Variants in LRP1B observed in about 807,000 individuals in gnomAD.
The protein encoded by LRP1B is low-density lipoprotein receptor-related protein 1B.
In LRP1B, 217 loss-of-function variants were observed where a neutral mutation model predicts 556.6. The observed-to-expected ratio is 0.39, with a 90% CI of 0.35 to 0.44. The LOEUF is 0.44. LRP1B is among the 20% of genes least tolerant of loss of function. The pLI is 1.00. For synonymous variants in LRP1B, 2,047 were observed against 1,865.8 expected, an observed-to-expected ratio of 1.10 and a Z score of -2.50; for missense variants, 5,053 against 5,620.8, an observed-to-expected ratio of 0.90 and a Z score of 3.23.
intron 83 of LRP1B, among the ~76,000 whole-genome samples, chr2:140,299,936 ATG>A (rs1683750041): frequency 6.6e-6 from 1 of 152,130 alleles, no homozygotes; most frequent in African/African-American, 2.4e-5. Flanking sequence ...TGTTTCCTAT[ATG>A]TGTTTTTCTT....
intron 1 of LRP1B, among the ~76,000 whole-genome samples, chr2:141,825,681 A>T (rs1475676868): frequency 6.6e-6 from 1 of 152,218 alleles, no homozygotes; most frequent in Non-Finnish European, 1.5e-5. Context: ...CCCAAACATA[A>T]CCATAAGAAA....
At chr2:140,503,190 A>T in intron 53 of LRP1B, 87 bp from the exon 54 acceptor site, 2 of 1,126,258 alleles carry the variant, frequency 1.8e-6, no homozygotes, top group Non-Finnish European at 2.6e-6. Flanking sequence ...ACACCGGATT[A>T]ATGTGGATTA....
At chr2:140,927,325 C>T (rs918339671) in intron 20 of LRP1B, among the ~76,000 whole-genome samples, 1 of 151,950 alleles carries the variant, frequency 6.6e-6, no homozygotes, top group South Asian at 2.1e-4. Context: ...ATGGAATTTG[C>T]CTATTGAAAG....
At chr2:141,662,723 T>C (rs1690268149) in intron 2 of LRP1B, among the ~76,000 whole-genome samples, 1 of 151,664 alleles carries the variant, frequency 6.6e-6, no homozygotes, top group African/African-American at 2.4e-5. Context: ...TCCCACACAA[T>C]AATAGTGAGA....
At chr2:140,539,304 T>C (rs959050415) in intron 45 of LRP1B, among the ~76,000 whole-genome samples, 6 of 152,112 alleles carry the variant, frequency 3.9e-5, no homozygotes, top group Non-Finnish European at 5.9e-5. Context: ...AACATTCTCA[T>C]GTTCCTAAAG....
chr2:141,947,435 C>CA (rs1227346679), intron 1 of LRP1B, among the ~76,000 whole-genome samples: 7 of 150,792 alleles, frequency 4.6e-5, no homozygotes, highest in East Asian at 3.9e-4. Context: ...GAGTCCATCT[C>CA]AAAAAAAATA....
chr2:140,421,186 C>CA lies in LRP1B; in HGVS notation c.10414+21317dup, dbSNP rs534611925. 2.8e-4 allele frequency among the ~76,000 whole-genome samples: 43 copies of CA among 152,194 alleles called. No individual in the cohort carries two copies. In the East Asian group the frequency reaches 8.1e-3, roughly 29 times the overall value. ...AGGAGAGTCGCTTGAACCCTGGAGA[C>CA]AGAGACTGCAGTGAGCCAAGATTGC... On this transcript the variant is annotated intron_variant, in intron 66 of 90. Transcript: ENST00000389484.
At chr2:141,184,657 C>G (rs1681161345) in intron 7 of LRP1B, among the ~76,000 whole-genome samples, 1 of 150,310 alleles carries the variant, frequency 6.7e-6, no homozygotes, top group Admixed American at 6.7e-5. Context: ...TCTAATAGCT[C>G]CTATGTCACG....
chr2:141,665,684 G>C (rs114659761), intron 2 of LRP1B, among the ~76,000 whole-genome samples: 1,552 of 152,170 alleles, frequency 0.01, 8 homozygotes, highest in Middle Eastern at 0.017. Context: ...ACGCAAATGC[G>C]CATCAATGAT....
intron 1 of LRP1B, among the ~76,000 whole-genome samples, chr2:142,067,804 T>C (rs926918284): frequency 2.0e-5 from 3 of 151,620 alleles, no homozygotes; most frequent in East Asian, 1.9e-4. Flanking sequence ...TATGAGCATA[T>C]AGAGCAAAAA....
intron 2 of LRP1B, among the ~76,000 whole-genome samples, chr2:141,682,041 G>A (rs563024105): frequency 6.6e-6 from 1 of 152,138 alleles, no homozygotes; most frequent in East Asian, 1.9e-4. Flanking sequence ...GAGACAGAAA[G>A]AATTTCGAAG....
intron 2 of LRP1B, among the ~76,000 whole-genome samples, chr2:141,807,219 C>T (rs1696193327): frequency 1.3e-5 from 2 of 152,004 alleles, no homozygotes; most frequent in South Asian, 4.1e-4. Flanking sequence ...TAATGGTGAA[C>T]ATCTGGATTG....
At chr2:140,803,260 GTTTTTT>G (rs11352164) in intron 32 of LRP1B, among the ~76,000 whole-genome samples, 1 of 102,238 alleles carries the variant, frequency 9.8e-6, no homozygotes, top group African/African-American at 5.1e-5. Flanking sequence ...CCTATTGAAA[GTTTTTT>G]TTTTTTTTTT....
intron 2 of LRP1B, among the ~76,000 whole-genome samples, chr2:141,592,720 C>T (rs1030482583): frequency 6.6e-6 from 1 of 152,088 alleles, no homozygotes; most frequent in Admixed American, 6.6e-5. Context: ...TTAATGGCAC[C>T]TTGTGAAATT....
intron 2 of LRP1B, among the ~76,000 whole-genome samples, chr2:141,564,260 G>C (rs1686257784): frequency 6.6e-6 from 1 of 152,114 alleles, no homozygotes; most frequent in South Asian, 2.1e-4. Flanking sequence ...AATAATGGCA[G>C]AAGACATGGG....
intron 43 of LRP1B, among the ~76,000 whole-genome samples, chr2:140,549,242 A>G (rs1680456853): frequency 6.6e-6 from 1 of 152,190 alleles, no homozygotes; most frequent in Non-Finnish European, 1.5e-5. Context: ...CCAGATGCCA[A>G]TGATGCTGAT....
chr2:140,363,641 C>T (rs1297445066), intron 72 of LRP1B, among the ~76,000 whole-genome samples: 3 of 151,420 alleles, frequency 2.0e-5, no homozygotes, highest in Non-Finnish European at 4.4e-5. Context: ...TTGCATTACT[C>T]ATCATAATGA....
chr2:141,716,979 C>T (rs1396451578), intron 2 of LRP1B, among the ~76,000 whole-genome samples: 3 of 141,478 alleles, frequency 2.1e-5, no homozygotes, highest in South Asian at 2.2e-4. Flanking sequence ...AGGGGGGGGT[C>T]GCAATTCAGA....
chr2:141,959,354 T>C (rs1354861695), intron 1 of LRP1B, among the ~76,000 whole-genome samples: 1 of 151,976 alleles, frequency 6.6e-6, no homozygotes, highest in African/African-American at 2.4e-5. Context: ...ACTCAAATAC[T>C]AATATTGTCA....
Sources: allele counts gnomAD v4.1 joint callset (sites outside exome capture counted in the v4.1 genomes callset), GRCh38; gene constraint gnomAD v4.1.1; transcripts MANE v1.5; gene names NCBI Gene and HGNC (gene_info 2026-07-23, HGNC 2026-07-21).